ZWILCH: variants seen among roughly 807,000 people sequenced by gnomAD.
ZWILCH encodes the protein protein zwilch homolog.
In ZWILCH, 74 loss-of-function variants were observed where a neutral mutation model predicts 79.9. The observed-to-expected ratio is 0.93, with a 90% CI of 0.77 to 1.12. The LOEUF (loss-of-function observed/expected upper bound fraction) is 1.12. Among genes scored for constraint, ZWILCH ranks in the 50% most tolerant of loss-of-function variants. The pLI is 0.00. For missense variants in ZWILCH, 694 were observed against 687.5 expected, an observed-to-expected ratio of 1.01 and a Z score of -0.11; for synonymous variants, 241 against 228.2, an observed-to-expected ratio of 1.06 and a Z score of -0.51.
rs371063968 is a variant in ZWILCH at position 66,530,740 on chromosome 15, A to G, written c.1155+1167A>G. On this transcript the variant is annotated intron_variant, in intron 12 of 18. Coordinates refer to ENST00000307897, the MANE Select transcript of ZWILCH (RefSeq NM_017975.5). ...TCAAGAAAAAGCTAAGTAAAAAGTT[A>G]AAAAGATTTTTAATAGGAATTATTT... 6.6e-5 allele frequency among the ~76,000 whole-genome samples: 10 copies of G among 152,352 alleles called. No homozygotes were observed. In the East Asian group the frequency reaches 1.9e-3, roughly 29 times the overall value.
intron 16 of ZWILCH, 61 bp from the exon 17 acceptor site, chr15:66,540,037 G>A (rs1266112209): frequency 4.2e-6 from 5 of 1,176,580 alleles, no homozygotes; most frequent in Non-Finnish European, 6.2e-6. Context: ...TGGCTGTAGA[G>A]GGAAGGAAGT....
chr15:66,536,443 A>G, intron 15 of ZWILCH, among the ~76,000 whole-genome samples: 1 of 152,248 alleles, frequency 6.6e-6, no homozygotes, highest in East Asian at 1.9e-4. Flanking sequence ...AATGGAATCA[A>G]ATAGTACTAC....
At chr15:66,507,512 C>G (rs1362158926) in intron 1 of ZWILCH, among the ~76,000 whole-genome samples, 2 of 152,160 alleles carry the variant, frequency 1.3e-5, no homozygotes, top group Admixed American at 1.3e-4. Context: ...TTAGTGAGTT[C>G]CTCTTGGCTT....
chr15:66,507,573 A>G (rs1893873275), intron 1 of ZWILCH, among the ~76,000 whole-genome samples: 1 of 152,156 alleles, frequency 6.6e-6, no homozygotes, highest in African/African-American at 2.4e-5. Context: ...AGCTTCCTAT[A>G]CTTGCCTCTC....
chr15:66,510,515 C>G (rs545073510), intron 2 of ZWILCH, among the ~76,000 whole-genome samples: 1 of 152,132 alleles, frequency 6.6e-6, no homozygotes, highest in South Asian at 2.1e-4. Context: ...TCTCACTAGC[C>G]AAACTCAAGA....
chr15:66,545,140 G>A (rs1029465453), intron 17 of ZWILCH, among the ~76,000 whole-genome samples: 1 of 151,850 alleles, frequency 6.6e-6, no homozygotes, highest in Non-Finnish European at 1.5e-5. Context: ...ATCACCTGAG[G>A]TCAGGAGTTC....
At chr15:66,532,878 G>A in intron 13 of ZWILCH, 107 bp from the exon 14 acceptor site, 1 of 766,738 alleles carries the variant, frequency 1.3e-6, no homozygotes, top group Non-Finnish European at 1.9e-6. Context: ...TCCTTAATAT[G>A]TAATTTAAGA....
chr15:66,528,032 G>T, intron 10 of ZWILCH, 120 bp downstream of exon 10: 1 of 633,248 alleles, frequency 1.6e-6, no homozygotes, highest in Non-Finnish European at 2.5e-6. Context: ...AGCATTTAAG[G>T]GGAATTTTTG....
intron 2 of ZWILCH, among the ~76,000 whole-genome samples, chr15:66,512,748 T>C (rs886416168): frequency 1.3e-5 from 2 of 152,046 alleles, no homozygotes; most frequent in African/African-American, 2.4e-5. Context: ...GCTGGAATTA[T>C]AGGCACCCAG....
chr15:66,532,116 T>C (rs912451276), intron 12 of ZWILCH, 131 bp from the exon 13 acceptor site: 12 of 620,456 alleles, frequency 1.9e-5, no homozygotes, highest in African/African-American at 1.4e-4. Context: ...TCAAACAATT[T>C]ATAGTGTTAG....
intron 17 of ZWILCH, among the ~76,000 whole-genome samples, chr15:66,545,013 A>G (rs1415862387): frequency 6.7e-6 from 1 of 149,232 alleles, no homozygotes; most frequent in African/African-American, 2.5e-5. Context: ...AAGTGCTGGG[A>G]TTACAGGCGT....
At chr15:66,539,201 A>G (rs913238392) in intron 16 of ZWILCH, among the ~76,000 whole-genome samples, 4 of 151,988 alleles carry the variant, frequency 2.6e-5, no homozygotes, top group African/African-American at 9.7e-5. Context: ...TTAAATGGTT[A>G]CCGATAGCCT....
chr15:66,540,685 G>A (rs66543335), intron 17 of ZWILCH, among the ~76,000 whole-genome samples: 10,245 of 150,002 alleles, frequency 0.068, 406 homozygotes, highest in Middle Eastern at 0.11. Context: ...CTGGAGTGCA[G>A]TGGCACCATC....
At chr15:66,511,486 C>T (rs1484923652) in intron 2 of ZWILCH, among the ~76,000 whole-genome samples, 1 of 141,232 alleles carries the variant, frequency 7.1e-6, no homozygotes, top group African/African-American at 2.6e-5. Flanking sequence ...GAGCGAGAGC[C>T]TGTCTTCCAA....
At position 66,514,005 on chromosome 15, in the gene ZWILCH, G is replaced by T; in HGVS notation, c.123G>T (p.Gln41His). The T allele has an allele frequency of 6.2e-7, 1 of 1,611,864 alleles. No individual in the cohort carries two copies. The highest frequency in any genetic ancestry group is 8.5e-7 in the Non-Finnish European group (1 of 1,179,124). Reference protein sequence around the residue: ...PFLYEADVQVQLISKGQPNPL... With the variant: ...PFLYEADVQVHLISKGQPNPL... ...TTTAACAGGCTGATGTCCAAGTGCA[G>T]TTGATCAGCAAAGGCCAACCAAACC... The change falls in exon 3 of 19, where the codon CAG becomes CAT. Residue 41 changes from glutamine (Q) to histidine (H), a missense_variant. Physicochemically the swap from Gln to His is conservative, Grantham distance 24. Coordinates refer to ENST00000307897, the MANE Select transcript of ZWILCH (RefSeq NM_017975.5).
rs779841441 is a variant in ZWILCH at position 66,508,895 on chromosome 15, A to G, written c.105+3A>G. The stretch of plus-strand genomic sequence containing the variant: ...GTAAAGACCCATTTCTCTATGAGGT[A>G]TGAACAATTTGGTTTTTAAACACAA... On this transcript the variant is annotated splice_donor_region_variant and intron_variant, in intron 2 of 18. Coordinates refer to ENST00000307897, the MANE Select transcript of ZWILCH (RefSeq NM_017975.5). 3 of 1,613,450 alleles carry G rather than the reference A, an allele frequency of 1.9e-6. No individual in the cohort carries two copies. Among genetic ancestry groups the G allele is most frequent in the African/African-American group, 1.3e-5 (1 of 74,898 alleles).
intron 2 of ZWILCH, among the ~76,000 whole-genome samples, chr15:66,510,060 C>T (rs961785347): frequency 1.7e-4 from 26 of 150,174 alleles, no homozygotes; most frequent in African/African-American, 6.1e-4. Flanking sequence ...TGCCTGTAGT[C>T]CCAGCTACTC....
At chr15:66,511,231 A>G (rs1894048403) in intron 2 of ZWILCH, among the ~76,000 whole-genome samples, 1 of 152,172 alleles carries the variant, frequency 6.6e-6, no homozygotes, top group Non-Finnish European at 1.5e-5. Context: ...CACACCTGTA[A>G]TCCTAGCACA....
chr15:66,517,002 C>T (rs1894286969), intron 4 of ZWILCH, among the ~76,000 whole-genome samples: 1 of 152,102 alleles, frequency 6.6e-6, no homozygotes, highest in South Asian at 2.1e-4. Flanking sequence ...GGTTATTTTA[C>T]CTCTTTTTGG....
Sources: gnomAD v4.1 joint callset for allele counts (sites outside exome capture counted in the v4.1 genomes callset) on GRCh38, gnomAD v4.1.1 for gene constraint, MANE v1.5 for transcripts, NCBI Gene and HGNC (gene_info 2026-07-23, HGNC 2026-07-21) for gene names.